MVB12B: variants seen among roughly 807,000 people sequenced by gnomAD.
MVB12B encodes ESCRT-I complex subunit MVB12B.
A neutral mutation model predicts 41.6 loss-of-function variants in MVB12B; 16 were observed. The ratio of observed to expected loss-of-function variants is 0.38; its 90% CI spans 0.26 to 0.58. MVB12B has a LOEUF of 0.58. Ranked by LOEUF, MVB12B falls within the 20% of genes least tolerant of loss-of-function variation. The pLI, the probability that MVB12B is intolerant of heterozygous loss-of-function variation, is 0.62. For missense variants in MVB12B, 274 were observed against 380.2 expected (o/e 0.72, Z 2.32); for synonymous variants, 133 against 139.7 (o/e 0.95, Z 0.34).
chr9:126,362,211 C>G (rs888407052), intron 2 of MVB12B, among the ~76,000 whole-genome samples: 1 of 152,084 alleles, frequency 6.6e-6, no homozygotes, highest in African/African-American at 2.4e-5. Context: ...TCAGTTCTCC[C>G]TTTCTGGGAC....
intron 2 of MVB12B, among the ~76,000 whole-genome samples, chr9:126,344,631 C>T (rs879859456): frequency 6.6e-6 from 1 of 152,234 alleles, no homozygotes; most frequent in Admixed American, 6.5e-5. Context: ...ACCGCTCTCC[C>T]TGCGTCTCCC....
At chr9:126,361,910 GAA>G (rs765678033) in intron 2 of MVB12B, among the ~76,000 whole-genome samples, 8 of 59,022 alleles carry the variant, frequency 1.4e-4, no homozygotes, top group Admixed American at 3.6e-4. Flanking sequence ...TGAAACTCTG[GAA>G]AAAAAAAAAA....
chr9:126,365,627 C>T (rs1028690674), intron 2 of MVB12B, among the ~76,000 whole-genome samples: 1 of 152,196 alleles, frequency 6.6e-6, no homozygotes, highest in Non-Finnish European at 1.5e-5. Flanking sequence ...AGGCATGAAA[C>T]ACTGCACCCG....
intron 9 of MVB12B, among the ~76,000 whole-genome samples, chr9:126,497,956 G>A (rs12004771): frequency 0.27 from 41,206 of 152,026 alleles, 6,993 homozygotes; most frequent in African/African-American, 0.49. Flanking sequence ...AGAAAGCAGC[G>A]GGCGGCCCAC....
intron 7 of MVB12B, among the ~76,000 whole-genome samples, chr9:126,427,949 T>A (rs988081378): frequency 2.3e-5 from 1 of 42,756 alleles, no homozygotes; most frequent in Non-Finnish European, 5.4e-5. Flanking sequence ...TGCCTTCAGC[T>A]TTTTTTCTTT....
chr9:126,377,473 A>T (rs1265004949), intron 2 of MVB12B, among the ~76,000 whole-genome samples: 1 of 152,088 alleles, frequency 6.6e-6, no homozygotes, highest in African/African-American at 2.4e-5. Flanking sequence ...AAGGGGATTC[A>T]CTCAGCTCAA....
intron 2 of MVB12B, among the ~76,000 whole-genome samples, chr9:126,360,447 CA>C (rs1234392749): frequency 1.3e-5 from 2 of 152,304 alleles, no homozygotes; most frequent in East Asian, 3.9e-4. Context: ...AAACAGGCTA[CA>C]GGCTGGATTT....
At position 126,391,908 on chromosome 9, in the gene MVB12B, G is replaced by A. The variant is rs948888494; in HGVS notation, c.410-158G>A. ...CAGAGCAGGGTGACTGCAGCCCCGGGGAAGGCAGGCGGCAGAGCGCAGCCC... is the reference window on the plus strand; with the variant it reads ...CAGAGCAGGGTGACTGCAGCCCCGGAGAAGGCAGGCGGCAGAGCGCAGCCC... On this transcript the variant is annotated intron_variant, in intron 4 of 9. Coordinates refer to ENST00000361171, the MANE Select transcript of MVB12B (RefSeq NM_033446.3). This position sits in a 1 kb window ranked among gnomAD's most constrained non-coding sequence, Gnocchi z 4.4. Among the ~76,000 whole-genome samples the A allele has an allele frequency of 6.6e-6, 1 of 152,182 alleles. No homozygotes were observed. Among genetic ancestry groups the A allele is most frequent in the Non-Finnish European group, 1.5e-5 (1 of 68,028 alleles).
chr9:126,469,011 C>T (rs1224800337), intron 7 of MVB12B, among the ~76,000 whole-genome samples: 2 of 152,114 alleles, frequency 1.3e-5, no homozygotes, highest in Non-Finnish European at 2.9e-5. Flanking sequence ...AACACGAATA[C>T]ATACAAAACA....
intron 2 of MVB12B, among the ~76,000 whole-genome samples, chr9:126,380,760 G>A (rs1444085339): frequency 2.0e-5 from 3 of 152,206 alleles, no homozygotes; most frequent in Non-Finnish European, 1.5e-5. Context: ...GCCGCTTAAT[G>A]TACTGACTTA....
At chr9:126,496,624 G>A (rs1252864734) in intron 9 of MVB12B, among the ~76,000 whole-genome samples, 1 of 152,034 alleles carries the variant, frequency 6.6e-6, no homozygotes, top group African/African-American at 2.4e-5. Flanking sequence ...CAGAGCAAGT[G>A]CCCCTTTAGT....
At chr9:126,373,448 T>C (rs1158696519) in intron 2 of MVB12B, among the ~76,000 whole-genome samples, 1 of 152,278 alleles carries the variant, frequency 6.6e-6, no homozygotes, top group African/African-American at 2.4e-5. Flanking sequence ...CAGAGGCCTA[T>C]GAACTTCATT....
intron 7 of MVB12B, among the ~76,000 whole-genome samples, chr9:126,465,076 C>A (rs1476666760): frequency 6.6e-6 from 1 of 152,142 alleles, no homozygotes; most frequent in Admixed American, 6.5e-5. Flanking sequence ...CTTTGCAGAC[C>A]ATTTTTGATA....
At position 126,505,834 on chromosome 9, in the gene MVB12B, CTG is replaced by C. The variant is rs1210639608; in HGVS notation, c.*2574_*2575del. 1 of 152,188 alleles carries C rather than the reference CTG, an allele frequency of 6.6e-6. No individual in the cohort carries two copies. The highest frequency in any genetic ancestry group is 2.4e-5 in the African/African-American group (1 of 41,442). The allele number at this position is 152,188 out of a possible 1,614,324, so 9.4% of individuals were successfully genotyped here. On this transcript the variant is annotated 3_prime_UTR_variant, in exon 10 of 10. Coordinates refer to ENST00000361171, the MANE Select transcript of MVB12B (RefSeq NM_033446.3). Reference sequence around the variant, plus strand: ...CTTTTCTCCACGAGCCCTCTGGCCACTGTGGGAGGGAAGGACAAGGGTTCCCT... The same window carrying C: ...CTTTTCTCCACGAGCCCTCTGGCCACTGGGAGGGAAGGACAAGGGTTCCCT...
chr9:126,395,483 C>A lies in MVB12B; in HGVS notation c.540-92C>A, dbSNP rs1355156480. 18 of 1,472,522 alleles carry A rather than the reference C, an allele frequency of 1.2e-5. No individual in the cohort carries two copies. The highest frequency in any genetic ancestry group is 1.7e-5 in the Non-Finnish European group (18 of 1,071,852). 91.2% of individuals were successfully genotyped at this position (1,472,522 alleles called of 1,614,324 possible). On this transcript the variant is annotated intron_variant, in intron 5 of 9. Coordinates refer to ENST00000361171, the MANE Select transcript of MVB12B (RefSeq NM_033446.3). This position sits in a 1 kb window ranked among gnomAD's most constrained non-coding sequence, Gnocchi z 4.9. ...GAATTGATTCCCTGGTGTTTGAGGC[C>A]ATGACTCTTTTAAATGAATTGGTTT...
chr9:126,337,558 A>G (rs941796228), intron 1 of MVB12B, among the ~76,000 whole-genome samples: 3 of 152,190 alleles, frequency 2.0e-5, no homozygotes, highest in Non-Finnish European at 4.4e-5. Context: ...CTCTCTGCCT[A>G]GTACAATAGA....
At position 126,389,630 on chromosome 9, in the gene MVB12B, G is replaced by T. The variant is rs146613118; in HGVS notation, c.410-2436G>T. On this transcript the variant is annotated intron_variant, in intron 4 of 9. Transcript: ENST00000361171. This position sits in a 1 kb window ranked among gnomAD's most constrained non-coding sequence, Gnocchi z 4.4. ...CGTGGCAACAGCAAGTGAAACACCC[G>T]GCGTTAGTTTTCTTTGTGTAAAGGT... 6.6e-6 allele frequency among the ~76,000 whole-genome samples: 1 copy of T among 152,126 alleles called. No homozygotes were observed. The highest frequency in any genetic ancestry group is 2.4e-5 in the African/African-American group (1 of 41,416).
chr9:126,499,890 T>G (rs1438891215), intron 9 of MVB12B, among the ~76,000 whole-genome samples: 3 of 146,326 alleles, frequency 2.1e-5, no homozygotes, highest in African/African-American at 7.6e-5. Flanking sequence ...AGAGAGGAGC[T>G]CAGCCCAGCC....
At chr9:126,500,621 C>T (rs1833934513) in intron 9 of MVB12B, among the ~76,000 whole-genome samples, 2 of 152,350 alleles carry the variant, frequency 1.3e-5, no homozygotes, top group Admixed American at 6.5e-5. Context: ...CGGGACCCCC[C>T]GGGGACTGGT....
Sources: allele counts gnomAD v4.1 joint callset (sites outside exome capture counted in the v4.1 genomes callset), GRCh38; gene constraint gnomAD v4.1.1; non-coding constraint Gnocchi (gnomAD v3.1); transcripts MANE v1.5; gene names NCBI Gene and HGNC (gene_info 2026-07-23, HGNC 2026-07-21).